Variants in PCBD2 observed in about 807,000 individuals in gnomAD.
PCBD2 encodes pterin-4 alpha-carbinolamine dehydratase 2.
PCBD2 carries 12 observed loss-of-function variants against 16.4 expected under a neutral mutation model. The ratio of observed to expected loss-of-function variants is 0.73; its 90% CI spans 0.47 to 1.19. The LOEUF is 1.19. Among genes scored for constraint, PCBD2 ranks in the 50% most tolerant of loss-of-function variants. The pLI is 0.00. For synonymous variants in PCBD2, 58 were observed against 61.8 expected, an observed-to-expected ratio of 0.94 and a Z score of 0.29; for missense variants, 138 against 156.8, an observed-to-expected ratio of 0.88 and a Z score of 0.64.
chr5:134,953,315 G>A (rs747202747), intron 2 of PCBD2, among the ~76,000 whole-genome samples: 11 of 149,188 alleles, frequency 7.4e-5, no homozygotes, highest in Non-Finnish European at 1.0e-4. Flanking sequence ...TGATTCTTGT[G>A]GATACTATTA....
intron 2 of PCBD2, chr5:134,927,304 G>A (rs1399175916): frequency 1.0e-4 from 41 of 398,464 alleles, no homozygotes; most frequent in Non-Finnish European, 1.5e-4. Flanking sequence ...AGTGTGAGGC[G>A]TATTATACCA....
intron 2 of PCBD2, among the ~76,000 whole-genome samples, chr5:134,941,790 GT>G (rs965672148): frequency 9.9e-5 from 15 of 152,160 alleles, no homozygotes; most frequent in African/African-American, 3.6e-4. Context: ...TCTAAAACCT[GT>G]TATACTTTAT....
intron 2 of PCBD2, among the ~76,000 whole-genome samples, chr5:134,941,857 G>A (rs931506654): frequency 5.9e-5 from 9 of 151,830 alleles, no homozygotes; most frequent in African/African-American, 1.2e-4. Context: ...GGTGGCTCAC[G>A]CCTGTAATCC....
At chr5:134,906,935 G>T (rs1448013185) in intron 1 of PCBD2, among the ~76,000 whole-genome samples, 2 of 152,212 alleles carry the variant, frequency 1.3e-5, no homozygotes, top group Non-Finnish European at 2.9e-5. Flanking sequence ...CTGTGAATGT[G>T]CCCTCATGGG....
In PCBD2 at chr5:134,940,975, C is replaced by T. The variant is rs556788136; in HGVS notation, c.217-18065C>T. Among the ~76,000 whole-genome samples the T allele has an allele frequency of 5.9e-5, 9 of 152,054 alleles. No homozygotes were observed. The East Asian group carries it at 1.7e-3, about 29-fold the overall frequency. ...TCTCTACTAAAAGTACAAAAATTAG[C>T]GTGGTGGCGCATGCCTGTAATCCCA... On this transcript the variant is annotated intron_variant, in intron 2 of 3. Coordinates refer to ENST00000254908, the MANE Select transcript of PCBD2 (RefSeq NM_032151.5).
chr5:134,907,172 T>C (rs1027357004), intron 1 of PCBD2, among the ~76,000 whole-genome samples: 5 of 152,276 alleles, frequency 3.3e-5, no homozygotes, highest in African/African-American at 1.2e-4. Context: ...CTACTCAGTG[T>C]GGACACACAT....
At chr5:134,910,510 C>T in intron 2 of PCBD2, 44 bp downstream of exon 2, 1 of 1,596,052 alleles carries the variant, frequency 6.3e-7, no homozygotes, top group Admixed American at 1.7e-5. Flanking sequence ...CTATTTTAGT[C>T]ACCTTAGGCC....
chr5:134,921,733 A>G (rs1461644332), intron 2 of PCBD2, among the ~76,000 whole-genome samples: 2 of 152,168 alleles, frequency 1.3e-5, no homozygotes, highest in African/African-American at 2.4e-5. Context: ...TTTGTTACCA[A>G]GAACTGGTCA....
intron 2 of PCBD2, among the ~76,000 whole-genome samples, chr5:134,956,799 A>G (rs1416730959): frequency 6.6e-6 from 1 of 152,192 alleles, no homozygotes; most frequent in Non-Finnish European, 1.5e-5. Context: ...GTGTTTTGTA[A>G]GGTTTACCTT....
intron 1 of PCBD2, among the ~76,000 whole-genome samples, chr5:134,906,691 A>G (rs950160631): frequency 6.6e-6 from 1 of 152,164 alleles, no homozygotes; most frequent in Non-Finnish European, 1.5e-5. Context: ...GCCAGGCTCA[A>G]TGCTAGGTAC....
At chr5:134,934,795 C>G (rs1751139692) in intron 2 of PCBD2, among the ~76,000 whole-genome samples, 1 of 152,142 alleles carries the variant, frequency 6.6e-6, no homozygotes, top group Non-Finnish European at 1.5e-5. Flanking sequence ...CTATTCCCAG[C>G]CAGATGCGGC....
intron 2 of PCBD2, among the ~76,000 whole-genome samples, chr5:134,915,436 A>ATTTT (rs760173801): frequency 9.6e-5 from 11 of 114,200 alleles, no homozygotes; most frequent in African/African-American, 2.4e-4. Context: ...TGGGCCTCTA[A>ATTTT]TTTTTTTTTT....
chr5:134,918,292 G>C (rs565420012), intron 2 of PCBD2, among the ~76,000 whole-genome samples: 1 of 152,258 alleles, frequency 6.6e-6, no homozygotes, highest in South Asian at 2.1e-4. Flanking sequence ...GTCACCAGAG[G>C]TCAGGAGTTC....
chr5:134,926,149 G>C (rs927634441), intron 2 of PCBD2: 4 of 323,354 alleles, frequency 1.2e-5, no homozygotes, highest in African/African-American at 8.6e-5. Context: ...ATATCATAGT[G>C]AGAATTCTAT....
intron 3 of PCBD2, among the ~76,000 whole-genome samples, chr5:134,959,396 C>T (rs1367705185): frequency 1.3e-5 from 2 of 152,086 alleles, no homozygotes; most frequent in South Asian, 2.1e-4. Flanking sequence ...GGAGTATCAG[C>T]CATGCAGATA....
At chr5:134,906,789 C>T (rs750304750) in intron 1 of PCBD2, among the ~76,000 whole-genome samples, 2 of 152,224 alleles carry the variant, frequency 1.3e-5, no homozygotes, top group East Asian at 1.9e-4. Context: ...AGAAGGATCC[C>T]GGAATTCAGA....
intron 2 of PCBD2, chr5:134,924,948 G>T: frequency 2.6e-6 from 1 of 391,976 alleles, no homozygotes; most frequent in South Asian, 1.4e-4. Flanking sequence ...TTAGGTAGTT[G>T]AGATCTAGGG....
At chr5:134,929,695 A>C (rs1457675331) in intron 2 of PCBD2, among the ~76,000 whole-genome samples, 1 of 152,152 alleles carries the variant, frequency 6.6e-6, no homozygotes, top group Non-Finnish European at 1.5e-5. Flanking sequence ...TTTTAAATTA[A>C]AAACATTGTT....
intron 2 of PCBD2, chr5:134,928,625 G>C (rs1390493613): frequency 5.5e-6 from 1 of 182,868 alleles, no homozygotes; most frequent in Non-Finnish European, 1.1e-5. Context: ...ACGAGATCAG[G>C]AGATTGAGAC....
Sources: gnomAD v4.1 joint callset for allele counts (sites outside exome capture counted in the v4.1 genomes callset) on GRCh38, gnomAD v4.1.1 for gene constraint, MANE v1.5 for transcripts, NCBI Gene and HGNC (gene_info 2026-07-23, HGNC 2026-07-21) for gene names.